Variants in ELAPOR2 observed in about 807,000 individuals in gnomAD.
ELAPOR2 encodes the protein endosome/lysosome-associated apoptosis and autophagy regulator family member 2.
Under a neutral mutation model 120.7 loss-of-function variants are expected in ELAPOR2, and 89 were observed. The ratio of observed to expected loss-of-function variants is 0.74; its 90% CI spans 0.62 to 0.88. ELAPOR2 has a LOEUF of 0.88. Among genes scored for constraint, ELAPOR2 ranks in the 40% least tolerant of loss-of-function variants. The pLI is 0.00. For missense variants in ELAPOR2, 1,134 were observed against 1,251.6 expected, an observed-to-expected ratio of 0.91 and a Z score of 1.42; for synonymous variants, 444 against 444.9, an observed-to-expected ratio of 1.00 and a Z score of 0.03.
chr7:86,993,268 G>GA (rs1793014450), intron 1 of ELAPOR2, among the ~76,000 whole-genome samples: 9 of 144,184 alleles, frequency 6.2e-5, no homozygotes, highest in South Asian at 2.1e-4. Flanking sequence ...AAAAGAAAAG[G>GA]AAAGAAAAAG....
intron 1 of ELAPOR2, among the ~76,000 whole-genome samples, chr7:87,039,766 G>A (rs951551226): frequency 6.6e-6 from 1 of 152,198 alleles, no homozygotes; most frequent in Non-Finnish European, 1.5e-5. Context: ...CGAGGGAGGA[G>A]CCAAGATGGC....
At chr7:86,914,884 A>T in intron 12 of ELAPOR2, 24 bp from the exon 13 acceptor site, 1 of 1,578,934 alleles carries the variant, frequency 6.3e-7, no homozygotes, top group Non-Finnish European at 8.6e-7. Flanking sequence ...GAAAAACTAT[A>T]TTCAAATAAA....
chr7:87,001,458 T>C (rs1248590319), intron 1 of ELAPOR2, among the ~76,000 whole-genome samples: 1 of 152,108 alleles, frequency 6.6e-6, no homozygotes. Flanking sequence ...AGAACAGACA[T>C]GGAAACAGCT....
At chr7:86,933,487 G>A (rs1790422025) in intron 8 of ELAPOR2, among the ~76,000 whole-genome samples, 2 of 151,864 alleles carry the variant, frequency 1.3e-5, no homozygotes, top group Non-Finnish European at 2.9e-5. Context: ...ATGACTTTAA[G>A]GATCTCAGGT....
intron 1 of ELAPOR2, among the ~76,000 whole-genome samples, chr7:87,034,750 T>C (rs1468034848): frequency 6.6e-6 from 1 of 152,130 alleles, no homozygotes; most frequent in Non-Finnish European, 1.5e-5. Flanking sequence ...GTTTTTACAC[T>C]GTAGCATTCT....
chr7:86,916,179 G>A (rs2116131348), intron 12 of ELAPOR2, among the ~76,000 whole-genome samples: 1 of 152,278 alleles, frequency 6.6e-6, no homozygotes, highest in South Asian at 2.1e-4. Context: ...TCTCAGGGAT[G>A]CCTGGTCAAG....
intron 9 of ELAPOR2, among the ~76,000 whole-genome samples, 177 bp downstream of exon 9, chr7:86,926,559 C>T (rs1790075042): frequency 4.6e-5 from 7 of 151,938 alleles, no homozygotes; most frequent in Admixed American, 4.6e-4. Flanking sequence ...TACAACATGG[C>T]TATATTCAAG....
intron 18 of ELAPOR2, among the ~76,000 whole-genome samples, chr7:86,905,201 A>G (rs1360549350): frequency 6.6e-6 from 1 of 151,700 alleles, no homozygotes; most frequent in African/African-American, 2.4e-5. Flanking sequence ...AGAGAGAGAG[A>G]GAGAAAGAGA....
chr7:86,920,266 T>C (rs1385871069), intron 10 of ELAPOR2, among the ~76,000 whole-genome samples: 5 of 152,182 alleles, frequency 3.3e-5, no homozygotes, highest in African/African-American at 7.2e-5. Flanking sequence ...TGTCCATTGT[T>C]TGGCTATCTA....
At chr7:86,938,713 T>C in intron 7 of ELAPOR2, 95 bp downstream of exon 7, 1 of 1,311,332 alleles carries the variant, frequency 7.6e-7, no homozygotes, top group Non-Finnish European at 1.1e-6. Flanking sequence ...CAGGCACCAC[T>C]GCTGTCATAC....
At chr7:86,938,649 A>G (rs1195165839) in intron 7 of ELAPOR2, among the ~76,000 whole-genome samples, 159 bp downstream of exon 7, 1 of 152,106 alleles carries the variant, frequency 6.6e-6, no homozygotes, top group South Asian at 2.1e-4. Context: ...GCAGAAACGG[A>G]TAAGATGTCA....
At chr7:86,909,738 T>A in intron 16 of ELAPOR2, 74 bp downstream of exon 16, 2 of 1,299,188 alleles carry the variant, frequency 1.5e-6, no homozygotes, top group Non-Finnish European at 1.1e-6. Flanking sequence ...CAAACACCAA[T>A]ACAATGACAA....
chr7:87,050,343 G>C (rs1469338994), intron 1 of ELAPOR2, among the ~76,000 whole-genome samples: 1 of 152,110 alleles, frequency 6.6e-6, no homozygotes, highest in African/African-American at 2.4e-5. Flanking sequence ...TCATGGCTTG[G>C]TGCTATCTTT....
In ELAPOR2 at chr7:87,037,297, C is replaced by T. The variant is rs113323473; in HGVS notation, c.189+22028G>A. Reference sequence around the variant, plus strand: ...TCAGGAGAGCACTGTTTGTGTGTGCCCAGGGTACTATAAACTCAGGATGTC... The same window carrying T: ...TCAGGAGAGCACTGTTTGTGTGTGCTCAGGGTACTATAAACTCAGGATGTC... On this transcript the variant is annotated intron_variant, in intron 1 of 21. Coordinates refer to ENST00000450689, the MANE Select transcript of ELAPOR2 (RefSeq NM_001142749.3). Among the ~76,000 whole-genome samples the T allele has an allele frequency of 8.3e-3, 1,260 of 152,060 alleles. 19 individuals carry two copies. The highest frequency in any genetic ancestry group is 0.029 in the African/African-American group (1,212 of 41,462).
chr7:87,010,849 A>C (rs376489561), intron 1 of ELAPOR2, among the ~76,000 whole-genome samples: 14 of 152,180 alleles, frequency 9.2e-5, no homozygotes, highest in African/African-American at 3.4e-4. Context: ...ACAGATACAG[A>C]GGAACCACTA....
chr7:87,006,238 T>C (rs1793466469), intron 1 of ELAPOR2, among the ~76,000 whole-genome samples: 1 of 152,012 alleles, frequency 6.6e-6, no homozygotes, highest in Non-Finnish European at 1.5e-5. Flanking sequence ...ATACACACAT[T>C]AAAAAGTCAT....
At chr7:87,014,434 C>T (rs1379384518) in intron 1 of ELAPOR2, among the ~76,000 whole-genome samples, 1 of 152,076 alleles carries the variant, frequency 6.6e-6, no homozygotes, top group Non-Finnish European at 1.5e-5. Flanking sequence ...CATTTCCAGA[C>T]AATTACTTAG....
intron 1 of ELAPOR2, among the ~76,000 whole-genome samples, chr7:86,986,733 G>A (rs1157662071): frequency 6.6e-6 from 1 of 151,848 alleles, no homozygotes; most frequent in Non-Finnish European, 1.5e-5. Flanking sequence ...CATGCTCATG[G>A]ATAGGAAGAA....
intron 2 of ELAPOR2, among the ~76,000 whole-genome samples, chr7:86,956,182 T>C (rs1467417464): frequency 6.6e-6 from 1 of 152,146 alleles, no homozygotes; most frequent in African/African-American, 2.4e-5. Context: ...ATAACAATTT[T>C]TAATTTTTCA....
Sources: allele counts gnomAD v4.1 joint callset (sites outside exome capture counted in the v4.1 genomes callset), GRCh38; gene constraint gnomAD v4.1.1; transcripts MANE v1.5; gene names NCBI Gene and HGNC (gene_info 2026-07-23, HGNC 2026-07-21).